The following IWS1 variants were observed in gnomAD, a reference collection of about 807,000 sequenced individuals.
The protein encoded by IWS1 is interacts with SUPT6H, CTD assembly factor 1.
IWS1 carries 27 observed loss-of-function variants against 86.7 expected under a neutral mutation model. The observed-to-expected ratio is 0.31, with a 90% CI of 0.23 to 0.43. The LOEUF (loss-of-function observed/expected upper bound fraction) is 0.43. Ranked by LOEUF, IWS1 falls within the 20% of genes least tolerant of loss-of-function variation. IWS1 has a pLI of 1.00. For missense variants in IWS1, 827 were observed against 1,000.8 expected (o/e 0.83, Z 2.34); for synonymous variants, 313 against 335.1 (o/e 0.93, Z 0.72).
upstream of IWS1, chr2:127,526,821 A>G: frequency 8.0e-6 from 5 of 627,482 alleles, no homozygotes; most frequent in Non-Finnish European, 1.2e-5. Context: ...CGTCAGGCCC[A>G]GAGGCGCCTG....
chr2:127,526,661 C>G (rs1323752428), upstream of IWS1: 1 of 1,320,718 alleles, frequency 7.6e-7, no homozygotes, highest in Non-Finnish European at 1.0e-6. Context: ...CCTGGTCTGA[C>G]CCCCGTGGTA....
At chr2:127,498,010 T>C (rs970641743) in intron 6 of IWS1, 130 bp downstream of exon 6, 3 of 639,404 alleles carry the variant, frequency 4.7e-6, no homozygotes, top group African/African-American at 2.0e-5. Flanking sequence ...ACACCGTAAA[T>C]GGAGAAAAAC....
chr2:127,486,887 A>G (rs1467783818), intron 12 of IWS1, among the ~76,000 whole-genome samples: 1 of 152,096 alleles, frequency 6.6e-6, no homozygotes, highest in African/African-American at 2.4e-5. Context: ...TCCAAAGCCA[A>G]CTTGCTCTGC....
In IWS1 at chr2:127,499,894, C is replaced by A. The variant is rs1464026173; in HGVS notation, c.1468-1657G>T. Among the ~76,000 whole-genome samples, 1 of 152,102 alleles carries A rather than the reference C, an allele frequency of 6.6e-6. No homozygotes were observed. Among genetic ancestry groups the A allele is most frequent in the Non-Finnish European group, 1.5e-5 (1 of 68,016 alleles). On this transcript the variant is annotated intron_variant, in intron 5 of 13. Coordinates refer to ENST00000295321, the MANE Select transcript of IWS1 (RefSeq NM_017969.3). The surrounding 1 kb of genome is among the most constrained non-coding windows in gnomAD (Gnocchi z 4.0). ...AGGATGATCTTTTCAATAAATGGTG[C>A]TGGGTCAACTGGATACTTCAAATAA...
chr2:127,526,403 G>C lies in IWS1; in HGVS notation c.-195C>G, dbSNP rs1194753827. The C allele has an allele frequency of 2.6e-6, 4 of 1,536,186 alleles. No homozygotes were observed. The East Asian group carries it at 9.8e-5, about 38-fold the overall frequency. On this transcript the variant is annotated 5_prime_UTR_variant, in exon 1 of 14. Transcript: ENST00000295321. ...TTGACCTGGAAGCCCCGGCGGAAAA[G>C]GCCGTACCCGGCAGGCTGGCGGGCG...
At chr2:127,501,884 T>A (rs1690836982) in intron 5 of IWS1, 1 of 152,194 alleles carries the variant, frequency 6.6e-6, no homozygotes, top group African/African-American at 2.4e-5. Context: ...AGTTACTGTA[T>A]TTTTATAGTT....
chr2:127,520,162 AT>A (rs1301382348), intron 2 of IWS1, among the ~76,000 whole-genome samples: 1 of 151,702 alleles, frequency 6.6e-6, no homozygotes, highest in African/African-American at 2.4e-5. Flanking sequence ...GTACTGCCCC[AT>A]TTTTTTTGTT....
rs72159568 is a variant in IWS1, at chr2:127,505,787, CAAA to C, written c.151-38_151-36del. ...AAAGTGAGAAAAAATTAGGAAAGTG[CAAA>C]AAAAAAAAAACCATTAATAATAAAA... On this transcript the variant is annotated intron_variant, in intron 2 of 13. Coordinates refer to ENST00000295321, the MANE Select transcript of IWS1 (RefSeq NM_017969.3). This position sits in a 1 kb window ranked among gnomAD's most constrained non-coding sequence, Gnocchi z 5.0. 27 of 879,910 alleles carry C rather than the reference CAAA, an allele frequency of 3.1e-5. No individual in the cohort carries two copies. The highest frequency in any genetic ancestry group is 4.7e-5 in the South Asian group (2 of 42,644). The allele number at this position is 879,910 out of a possible 1,614,324, so 54.5% of individuals were successfully genotyped here.
intron 5 of IWS1, among the ~76,000 whole-genome samples, chr2:127,500,768 A>C (rs1230698826): frequency 6.6e-6 from 1 of 152,118 alleles, no homozygotes; most frequent in Non-Finnish European, 1.5e-5. Flanking sequence ...AATACTTTCT[A>C]ATTGTCCCTT....
chr2:127,493,369 G>C lies in IWS1; in HGVS notation c.1841C>G (p.Ser614Cys). The C allele has an allele frequency of 2.5e-6, 4 of 1,613,116 alleles. No homozygotes were observed. The highest frequency in any genetic ancestry group is 3.4e-6 in the Non-Finnish European group (4 of 1,179,618). Residue 614 changes from serine (S) to cysteine (C), a missense_variant, in exon 9 of 14, where the codon TCT becomes TGT. Ser to Cys is a moderately radical substitution (Grantham distance 112). Transcript: ENST00000295321. ...AGGTGAGAGCCATTCTTTGATGGCA[G>C]ACATCACACCACTGTCAATGAATGT... ...KETFIDSGVM[S>C]AIKEWLSPLP...
At chr2:127,481,237 T>C in intron 13 of IWS1, 62 bp from the exon 14 acceptor site, 1 of 1,479,854 alleles carries the variant, frequency 6.8e-7, no homozygotes, top group East Asian at 2.3e-5. Context: ...GTTATGTCTT[T>C]CATCTTCTTA....
intron 12 of IWS1, among the ~76,000 whole-genome samples, chr2:127,486,921 C>G (rs1689959640): frequency 1.3e-5 from 2 of 152,210 alleles, no homozygotes; most frequent in Admixed American, 1.3e-4. Flanking sequence ...CTTTTCTCCT[C>G]TCCTCAGCTT....
intron 2 of IWS1, chr2:127,514,894 A>G (rs1180511978): frequency 6.6e-6 from 1 of 152,188 alleles, no homozygotes; most frequent in Non-Finnish European, 1.5e-5. Flanking sequence ...GTCCAGGCAA[A>G]TCCAAGTGAG....
chr2:127,505,439 G>T lies in IWS1; in HGVS notation c.464C>A (p.Pro155His). 1 of 1,614,000 alleles carries T rather than the reference G, an allele frequency of 6.2e-7. No individual in the cohort carries two copies. The highest frequency in any genetic ancestry group is 2.2e-5 in the East Asian group (1 of 44,880). Residue 155 changes from proline to histidine, a missense_variant, in exon 3 of 14, where the codon CCC becomes CAC. Coordinates refer to ENST00000295321, the MANE Select transcript of IWS1 (RefSeq NM_017969.3). This position sits in a 1 kb window ranked among gnomAD's most constrained non-coding sequence, Gnocchi z 5.0. The part of the protein sequence containing the change: ...DSENEDVGKH[P>H]ASDSEIEELQ... ...CTCCTCAATCTCAGAATCACTGGCG[G>T]GATGCTTCCCAACATCTTCGTTTTC...
chr2:127,492,130 A>C, intron 9 of IWS1, 42 bp from the exon 10 acceptor site: 1 of 1,294,372 alleles, frequency 7.7e-7, no homozygotes, highest in Non-Finnish European at 1.1e-6. Context: ...ATCACTCGGA[A>C]GCTGGGGGTC....
intron 2 of IWS1, among the ~76,000 whole-genome samples, chr2:127,521,287 A>C (rs570902479): frequency 1.3e-5 from 2 of 152,318 alleles, no homozygotes; most frequent in African/African-American, 4.8e-5. Context: ...TATATATAAT[A>C]ACATCTCAAG....
At chr2:127,506,053 G>A (rs1691132812) in intron 2 of IWS1, among the ~76,000 whole-genome samples, 1 of 152,108 alleles carries the variant, frequency 6.6e-6, no homozygotes, top group Non-Finnish European at 1.5e-5. Flanking sequence ...TTTTTTAAAA[G>A]GCGAATTTTC....
Position 127,496,135 on chromosome 2 carries a change from A to T in IWS1, c.1579T>A (p.Ser527Thr). The stretch of plus-strand genomic sequence containing the variant: ...CGCTGCAACATCATCTCAAAATCTG[A>T]CAGAAAGTCCATACTAAAGCAGTAA... The part of the protein sequence containing the change: ...IKRGKHMDFL[S>T]DFEMMLQRKK... Residue 527 changes from serine (S) to threonine (T), a missense_variant, in exon 7 of 14, where the codon TCA becomes ACA. Ser to Thr is a moderately conservative substitution (Grantham distance 58, BLOSUM62 1). Transcript: ENST00000295321. 6.2e-7 allele frequency: 1 copy of T among 1,613,232 alleles called. No homozygotes were observed. Among genetic ancestry groups the T allele is most frequent in the Non-Finnish European group, 8.5e-7 (1 of 1,179,718 alleles).
chr2:127,486,259 G>C (rs1013274733), intron 13 of IWS1, among the ~76,000 whole-genome samples: 1 of 152,098 alleles, frequency 6.6e-6, no homozygotes, highest in African/African-American at 2.4e-5. Flanking sequence ...GAATACTCCA[G>C]GTTTCAATTT....
Sources: allele counts gnomAD v4.1 joint callset (sites outside exome capture counted in the v4.1 genomes callset), GRCh38; gene constraint gnomAD v4.1.1; non-coding constraint Gnocchi (gnomAD v3.1); transcripts MANE v1.5; gene names NCBI Gene and HGNC (gene_info 2026-07-23, HGNC 2026-07-21).